Variants in CFAP53 observed in about 807,000 individuals in gnomAD.
The protein encoded by CFAP53 is cilia- and flagella-associated protein 53.
A neutral mutation model predicts 59.7 loss-of-function variants in CFAP53; 62 were observed. That is an observed-to-expected ratio of 1.04 (90% CI 0.85 to 1.28). The LOEUF (loss-of-function observed/expected upper bound fraction) is 1.28, where lower values mean the gene tolerates loss of function less well. Among genes scored for constraint, CFAP53 ranks in the 50% most tolerant of loss-of-function variants. CFAP53 has a pLI of 0.00. For missense variants in CFAP53, 629 were observed against 615.6 expected (o/e 1.02, Z -0.23); for synonymous variants, 218 against 205.7 (o/e 1.06, Z -0.51).
intron 1 of CFAP53, among the ~76,000 whole-genome samples, chr18:50,263,936 G>C (rs1365251926): frequency 6.6e-6 from 1 of 152,186 alleles, no homozygotes; most frequent in Non-Finnish European, 1.5e-5. Context: ...GTATGACCTG[G>C]AGTTCTCAAA....
At chr18:50,240,322 C>T (rs774996095) in intron 6 of CFAP53, among the ~76,000 whole-genome samples, 1 of 152,184 alleles carries the variant, frequency 6.6e-6, no homozygotes, top group Non-Finnish European at 1.5e-5. Context: ...ACCTGCTCCA[C>T]CCTGACTCAT....
intron 4 of CFAP53, among the ~76,000 whole-genome samples, 163 bp from the exon 5 acceptor site, chr18:50,251,139 G>A (rs1051472175): frequency 1.3e-5 from 2 of 152,214 alleles, no homozygotes; most frequent in African/African-American, 2.4e-5. Context: ...AGCTGAGTCA[G>A]CAATAAAACT....
intron 1 of CFAP53, 79 bp from the exon 2 acceptor site, chr18:50,262,298 A>G: frequency 8.5e-7 from 1 of 1,175,364 alleles, no homozygotes; most frequent in Non-Finnish European, 1.2e-6. Context: ...GCTCTCAATC[A>G]ATACTCATAC....
intron 1 of CFAP53, among the ~76,000 whole-genome samples, chr18:50,262,862 G>A (rs552998688): frequency 6.6e-6 from 1 of 152,244 alleles, no homozygotes; most frequent in East Asian, 1.9e-4. Context: ...AAGAAAAAAA[G>A]CTGGTGGTAG....
chr18:50,237,304 C>CA (rs143356494), intron 7 of CFAP53, among the ~76,000 whole-genome samples: 95 of 9,342 alleles, frequency 0.01, 21 homozygotes, highest in Non-Finnish European at 0.022. Context: ...GACTCCATCT[C>CA]AAAAAAAAAA....
At chr18:50,239,355 A>G (rs1217839166) in intron 6 of CFAP53, among the ~76,000 whole-genome samples, 7 of 151,598 alleles carry the variant, frequency 4.6e-5, no homozygotes, top group Admixed American at 1.3e-4. Flanking sequence ...CGCCGTCTCA[A>G]TAAATAAATA....
intron 7 of CFAP53, among the ~76,000 whole-genome samples, chr18:50,228,474 A>G (rs895753729): frequency 6.6e-6 from 1 of 152,154 alleles, no homozygotes; most frequent in Admixed American, 6.5e-5. Flanking sequence ...TTTTTTATTT[A>G]TAGTATAATT....
At chr18:50,238,908 T>C (rs2033662156) in intron 6 of CFAP53, among the ~76,000 whole-genome samples, 1 of 152,142 alleles carries the variant, frequency 6.6e-6, no homozygotes, top group Non-Finnish European at 1.5e-5. Context: ...CTAGATTTTC[T>C]GTTCATCATT....
chr18:50,240,328 C>T (rs2033678746), intron 6 of CFAP53, among the ~76,000 whole-genome samples: 1 of 152,200 alleles, frequency 6.6e-6, no homozygotes, highest in Admixed American at 6.5e-5. Context: ...TCCACCCTGA[C>T]TCATTCCAAT....
At chr18:50,236,420 A>G (rs1402249394) in intron 7 of CFAP53, among the ~76,000 whole-genome samples, 1 of 152,206 alleles carries the variant, frequency 6.6e-6, no homozygotes, top group Non-Finnish European at 1.5e-5. Flanking sequence ...TGGAGCTTCT[A>G]TCTCCATCTC....
chr18:50,253,894 A>G (rs1473183088), intron 3 of CFAP53, among the ~76,000 whole-genome samples: 1 of 152,182 alleles, frequency 6.6e-6, no homozygotes, highest in Non-Finnish European at 1.5e-5. Context: ...TCGTTAATAA[A>G]AACACCCCAA....
At chr18:50,246,027 T>C (rs186398429) in intron 5 of CFAP53, among the ~76,000 whole-genome samples, 1,812 of 152,266 alleles carry the variant, frequency 0.012, 36 homozygotes, top group African/African-American at 0.042. Context: ...GTAGCTGGGA[T>C]TACAGGCATG....
intron 6 of CFAP53, among the ~76,000 whole-genome samples, chr18:50,242,299 A>C (rs925887686): frequency 6.6e-6 from 1 of 152,238 alleles, no homozygotes; most frequent in African/African-American, 2.4e-5. Context: ...CAGCTTATGA[A>C]GATGACAGGA....
In CFAP53 at chr18:50,251,719, C is replaced by A; in HGVS notation, c.539G>T (p.Arg180Leu). 6.2e-7 allele frequency: 1 copy of A among 1,614,184 alleles called. No individual in the cohort carries two copies. The highest frequency in any genetic ancestry group is 1.1e-5 in the South Asian group (1 of 91,082). ...SIHQKKVCEE[R>L]KAQIAFNEEL... ...CTCATTAAATGCAATCTGTGCTTTC[C>A]GCTCCTCACACACCTTCTTCTGATG... The change falls in exon 4 of 8, where the codon CGG (arginine) becomes CTG (leucine). Residue 180 changes from arginine to leucine, a missense_variant. Arg to Leu is a moderately radical substitution (Grantham distance 102). Transcript: ENST00000398545.
intron 1 of CFAP53, among the ~76,000 whole-genome samples, chr18:50,264,955 A>G (rs994592409): frequency 2.6e-5 from 4 of 152,200 alleles, no homozygotes; most frequent in African/African-American, 9.7e-5. Flanking sequence ...CCAGCTCCAG[A>G]TCTTACAGTA....
intron 3 of CFAP53, 83 bp downstream of exon 3, chr18:50,260,981 T>C: frequency 7.2e-7 from 1 of 1,386,150 alleles, no homozygotes; most frequent in Non-Finnish European, 1.0e-6. Flanking sequence ...CTCTTAAGAC[T>C]AATTTACTTT....
intron 7 of CFAP53, among the ~76,000 whole-genome samples, chr18:50,235,547 A>G (rs1454720665): frequency 7.4e-6 from 1 of 135,256 alleles, no homozygotes; most frequent in Non-Finnish European, 1.7e-5. Context: ...CAGCCTTGAC[A>G]AGAGCGAAAT....
intron 7 of CFAP53, among the ~76,000 whole-genome samples, chr18:50,237,351 T>TATATATAC (rs67836600): frequency 0.13 from 2,139 of 16,234 alleles, 658 homozygotes; most frequent in South Asian, 0.27. Flanking sequence ...TATATATATA[T>TATATATAC]ACGCACACAT....
chr18:50,261,390 G>C (rs1370557676), intron 2 of CFAP53, among the ~76,000 whole-genome samples, 153 bp from the exon 3 acceptor site: 1 of 149,080 alleles, frequency 6.7e-6, no homozygotes, highest in South Asian at 2.1e-4. Context: ...TTGTTTTTTT[G>C]TTTTTGTTTT....
Sources: allele counts gnomAD v4.1 joint callset (sites outside exome capture counted in the v4.1 genomes callset), GRCh38; gene constraint gnomAD v4.1.1; transcripts MANE v1.5; gene names NCBI Gene and HGNC (gene_info 2026-07-23, HGNC 2026-07-21).